CDC20B: variants seen among roughly 807,000 people sequenced by gnomAD.
CDC20B encodes the protein cell division cycle protein 20 homolog B.
In CDC20B, 58 loss-of-function variants were observed where a neutral mutation model predicts 64.1. The observed-to-expected ratio is 0.90, with a 90% CI of 0.73 to 1.13. The LOEUF is 1.13. Ranked by LOEUF, CDC20B falls within the 50% of genes most tolerant of loss-of-function variation. The probability of loss-of-function intolerance (pLI) is 0.00; values close to 1 mark genes in which losing one functional copy is unlikely to be tolerated. For synonymous variants in CDC20B, 243 were observed against 230.6 expected (o/e 1.05, Z -0.49); for missense variants, 597 against 633.0 (o/e 0.94, Z 0.61).
intron 3 of CDC20B, among the ~76,000 whole-genome samples, chr5:55,143,884 A>T (rs1356127901): frequency 2.0e-5 from 3 of 151,872 alleles, no homozygotes; most frequent in African/African-American, 7.3e-5. Context: ...TAAGGTTGTC[A>T]CTCAATGAGA....
At chr5:55,151,417 G>A (rs770080562) in intron 2 of CDC20B, among the ~76,000 whole-genome samples, 3 of 152,282 alleles carry the variant, frequency 2.0e-5, no homozygotes, top group Non-Finnish European at 2.9e-5. Flanking sequence ...AGGAGACACC[G>A]CATTGGAAGA....
At chr5:55,158,556 C>A (rs1020201303) in intron 2 of CDC20B, among the ~76,000 whole-genome samples, 1 of 152,114 alleles carries the variant, frequency 6.6e-6, no homozygotes, top group Non-Finnish European at 1.5e-5. Flanking sequence ...TGCCACAGAG[C>A]GGGAACCAGA....
chr5:55,131,173 T>G (rs963157041), intron 6 of CDC20B, among the ~76,000 whole-genome samples: 1 of 152,028 alleles, frequency 6.6e-6, no homozygotes, highest in Non-Finnish European at 1.5e-5. Context: ...AACAAACACA[T>G]GACAACTACA....
intron 4 of CDC20B, 104 bp downstream of exon 4, chr5:55,143,409 T>C (rs1345390082): frequency 8.3e-7 from 1 of 1,201,274 alleles, no homozygotes; most frequent in South Asian, 2.2e-5. Context: ...CATCATTTTC[T>C]TATTGATTGG....
At chr5:55,154,736 A>G (rs1289634791) in intron 2 of CDC20B, among the ~76,000 whole-genome samples, 1 of 152,238 alleles carries the variant, frequency 6.6e-6, no homozygotes, top group Non-Finnish European at 1.5e-5. Context: ...CATATGGTTC[A>G]TAGTGGTATA....
intron 1 of CDC20B, 98 bp from the exon 2 acceptor site, chr5:55,172,748 ACTTTTT>A (rs1561100653): frequency 5.6e-6 from 4 of 714,786 alleles, no homozygotes; most frequent in Admixed American, 4.1e-5. Flanking sequence ...GTCAGATTAC[ACTTTTT>A]TTTTTTTTTT....
At chr5:55,172,542 C>A (rs369105679) in intron 2 of CDC20B, 46 bp downstream of exon 2, 3 of 1,436,530 alleles carry the variant, frequency 2.1e-6, no homozygotes, top group South Asian at 1.2e-5. Flanking sequence ...TTCGTTTGTT[C>A]AAGATCAGAA....
intron 4 of CDC20B, among the ~76,000 whole-genome samples, chr5:55,141,784 C>T (rs1194348900): frequency 1.3e-5 from 2 of 152,116 alleles, no homozygotes; most frequent in Non-Finnish European, 2.9e-5. Flanking sequence ...AGCAGGGTTT[C>T]CCAATCTTGG....
rs140919639 is a variant in CDC20B at position 55,129,839 on chromosome 5, C to A, written c.698-1222G>T. Among the ~76,000 whole-genome samples, 277 of 152,260 alleles carry A rather than the reference C, an allele frequency of 1.8e-3. 2 individuals carry two copies. The Middle Eastern group carries it at 0.02, about 11-fold the overall frequency. ...GGCAAGACAAAACTTAAAATGTGAA[C>A]CTAACTAGAACAAAAACATCAACCA... On this transcript the variant is annotated intron_variant, in intron 6 of 11. Coordinates refer to ENST00000381375, the MANE Select transcript of CDC20B (RefSeq NM_001170402.1).
intron 5 of CDC20B, among the ~76,000 whole-genome samples, chr5:55,134,900 G>A (rs900786090): frequency 2.6e-5 from 4 of 152,238 alleles, no homozygotes; most frequent in South Asian, 2.1e-4. Flanking sequence ...GGGGAGAGAC[G>A]GATGAACAGA....
rs750088272 is a variant in CDC20B, at chr5:55,164,025, G to T, written c.126+8563C>A. On this transcript the variant is annotated intron_variant, in intron 2 of 11. Coordinates refer to ENST00000381375, the MANE Select transcript of CDC20B (RefSeq NM_001170402.1). ...AAATCTTGACAAAGAATAAAATTAT[G>T]CTCATGAAAATATGTTCTGGATATT... The T allele has an allele frequency of 2.7e-6, 4 of 1,470,726 alleles. No individual in the cohort carries two copies. In the African/African-American group the frequency reaches 4.2e-5, roughly 16 times the overall value. The allele number at this position is 1,470,726 out of a possible 1,614,324, so 91.1% of individuals were successfully genotyped here. A position where few individuals can be genotyped will look rare whatever the true frequency, so the allele number is the denominator to read the frequency against.
intron 4 of CDC20B, 101 bp downstream of exon 4, chr5:55,143,412 T>C: frequency 1.6e-6 from 2 of 1,215,944 alleles, no homozygotes; most frequent in Non-Finnish European, 2.2e-6. Context: ...CATTTTCTTA[T>C]TGATTGGTAA....
At chr5:55,170,013 C>T (rs1293601382) in intron 2 of CDC20B, among the ~76,000 whole-genome samples, 6 of 152,064 alleles carry the variant, frequency 3.9e-5, no homozygotes, top group Non-Finnish European at 2.9e-5. Context: ...ACTCCAGAGG[C>T]TGAGGCAGGA....
At chr5:55,140,280 C>T (rs749191461) in intron 5 of CDC20B, 34 bp downstream of exon 5, 42 of 1,286,752 alleles carry the variant, frequency 3.3e-5, no homozygotes, top group South Asian at 8.5e-5. Flanking sequence ...GAGAGAGGAG[C>T]GCAGGAAAGA....
intron 2 of CDC20B, chr5:55,160,870 T>C: frequency 1.9e-6 from 2 of 1,057,860 alleles, no homozygotes; most frequent in South Asian, 1.7e-5. Flanking sequence ...TGTCCAAAAA[T>C]ATGAAAAAAA....
chr5:55,114,038 G>C lies in CDC20B; in HGVS notation c.*180C>G. 5 of 1,111,096 alleles carry C rather than the reference G, an allele frequency of 4.5e-6. No individual in the cohort carries two copies. Among genetic ancestry groups the C allele is most frequent in the Non-Finnish European group, 6.1e-6 (5 of 817,664 alleles). The allele number at this position is 1,111,096 out of a possible 1,614,324, so 68.8% of individuals were successfully genotyped here. ...AAGAAAGCAGAGAAGAAAAGAAGCG[G>C]ATCTCTGGGAAGCAGAGCAAGTAAA... On this transcript the variant is annotated 3_prime_UTR_variant, in exon 12 of 12. Transcript: ENST00000381375. The surrounding 1 kb of genome is among the most constrained non-coding windows in gnomAD (Gnocchi z 4.1).
chr5:55,166,311 T>C (rs1444345930), intron 2 of CDC20B: 2 of 152,232 alleles, frequency 1.3e-5, no homozygotes, highest in South Asian at 4.1e-4. Flanking sequence ...TCACTAGCTC[T>C]CTCCAAAGCC....
chr5:55,127,454 G>A, intron 7 of CDC20B, 103 bp from the exon 8 acceptor site: 2 of 899,204 alleles, frequency 2.2e-6, no homozygotes, highest in Non-Finnish European at 3.6e-6. Flanking sequence ...GTTAGTTTTT[G>A]TACTAAGTGA....
At chr5:55,129,084 T>C (rs547130932) in intron 6 of CDC20B, among the ~76,000 whole-genome samples, 1 of 152,322 alleles carries the variant, frequency 6.6e-6, no homozygotes, top group East Asian at 1.9e-4. Flanking sequence ...CAGTATTCTA[T>C]AGCTTATACT....
Sources: allele counts gnomAD v4.1 joint callset (sites outside exome capture counted in the v4.1 genomes callset), GRCh38; gene constraint gnomAD v4.1.1; non-coding constraint Gnocchi (gnomAD v3.1); transcripts MANE v1.5; gene names NCBI Gene and HGNC (gene_info 2026-07-23, HGNC 2026-07-21).